VPS51: variants seen among roughly 807,000 people sequenced by gnomAD.
The protein encoded by VPS51 is vacuolar protein sorting-associated protein 51 homolog.
In VPS51, 55 loss-of-function variants were observed where a neutral mutation model predicts 65.1. The ratio of observed to expected loss-of-function variants is 0.84; its 90% CI spans 0.68 to 1.06. The LOEUF (loss-of-function observed/expected upper bound fraction) is 1.06. Among genes scored for constraint, VPS51 ranks in the 50% least tolerant of loss-of-function variants. The pLI is 0.00. For missense variants in VPS51, 943 were observed against 1,101.6 expected (o/e 0.86, Z 2.04); for synonymous variants, 473 against 489.5 (o/e 0.97, Z 0.44).
chr11:65,101,806 A>C (rs1207231525), intron 2 of VPS51, among the ~76,000 whole-genome samples: 2 of 149,868 alleles, frequency 1.3e-5, no homozygotes, highest in Non-Finnish European at 3.0e-5. Flanking sequence ...ATTAACAGAC[A>C]TACAGAAAAG....
intron 2 of VPS51, among the ~76,000 whole-genome samples, chr11:65,101,931 C>T (rs1285349239): frequency 6.6e-6 from 1 of 151,866 alleles, no homozygotes; most frequent in African/African-American, 2.4e-5. Flanking sequence ...TACCAGTTAC[C>T]ACCCAGTCCC....
chr11:65,111,306 T>A, intron 9 of VPS51, 21 bp from the exon 10 acceptor site: 4 of 1,600,162 alleles, frequency 2.5e-6, no homozygotes, highest in Non-Finnish European at 3.4e-6. Flanking sequence ...CCAAGCTGCA[T>A]CCCTGTGTCC....
At chr11:65,100,707 T>G (rs556244148) in intron 2 of VPS51, among the ~76,000 whole-genome samples, 32 of 152,032 alleles carry the variant, frequency 2.1e-4, no homozygotes, top group Admixed American at 7.9e-4. Context: ...ATTTTTTTAT[T>G]TTTATTTTTT....
In VPS51 at chr11:65,108,256, G is replaced by T; in HGVS notation, c.785G>T (p.Gly262Val). The change falls in exon 5 of 10, where the codon GGC becomes GTC. Residue 262 changes from glycine (G) to valine (V), a missense_variant. Coordinates refer to ENST00000279281, the MANE Select transcript of VPS51 (RefSeq NM_013265.4). ...AECVELLLAL[G>V]EPAEELCEEF... is the part of the protein sequence containing the mutation. ...TGCGTGGAGCTGCTGCTGGCCCTGG[G>T]CGAGCCTGCGGAGGAGCTGTGCGAG... is the stretch of plus-strand genomic sequence containing the variant. 1 of 1,597,900 alleles carries T rather than the reference G, an allele frequency of 6.3e-7. No homozygotes were observed. Among genetic ancestry groups the T allele is most frequent in the South Asian group, 1.1e-5 (1 of 89,172 alleles).
intron 7 of VPS51, chr11:65,110,192 C>T (rs1947883322): frequency 3.2e-6 from 2 of 623,118 alleles, no homozygotes; most frequent in Non-Finnish European, 5.6e-6. Context: ...GACATCTTCG[C>T]CCCTATTTTA....
intron 1 of VPS51, 123 bp downstream of exon 1, chr11:65,096,601 A>C: frequency 1.1e-6 from 1 of 902,002 alleles, no homozygotes; most frequent in South Asian, 1.9e-5. Flanking sequence ...GGTGTTCATA[A>C]GAGGACGAAC....
intron 7 of VPS51, 41 bp from the exon 8 acceptor site, chr11:65,110,441 C>G (rs1554993585): frequency 6.2e-7 from 1 of 1,613,266 alleles, no homozygotes; most frequent in African/African-American, 1.3e-5. Context: ...GGTGGTTTCC[C>G]CTGACTCGGG....
chr11:65,109,123 G>C, intron 5 of VPS51, 157 bp from the exon 6 acceptor site: 2 of 1,035,500 alleles, frequency 1.9e-6, no homozygotes, highest in Non-Finnish European at 2.8e-6. Flanking sequence ...GGCTTTCTCT[G>C]CCCCCACTCA....
At chr11:65,105,952 G>A (rs182682513) in intron 2 of VPS51, among the ~76,000 whole-genome samples, 44 of 152,226 alleles carry the variant, frequency 2.9e-4, no homozygotes, top group African/African-American at 7.5e-4. Flanking sequence ...CTCCCCGGGC[G>A]TGCCACCCTC....
chr11:65,108,555 G>C lies in VPS51; in HGVS notation c.1084G>C (p.Gly362Arg). The C allele has an allele frequency of 6.4e-7, 1 of 1,567,746 alleles. No homozygotes were observed. Among genetic ancestry groups the C allele is most frequent in the Non-Finnish European group, 8.6e-7 (1 of 1,163,990 alleles). Residue 362 changes from glycine to arginine, a missense_variant, in exon 5 of 10, where the codon GGT becomes CGT. This residue lies in a region of VPS51 where 855 missense variants were observed against 953.7 expected (regional missense o/e 0.90). Coordinates refer to ENST00000279281, the MANE Select transcript of VPS51 (RefSeq NM_013265.4). The stretch of plus-strand genomic sequence containing the variant: ...GCGGCGGCTGGCGCAGGAGCAGGGT[G>C]GTGGTGACAACTCACTGCTGGTGCG... ...VERRLAQEQGGGDNSLLVRAL... is the reference protein window; with the variant it reads ...VERRLAQEQGRGDNSLLVRAL...
Position 65,107,724 on chromosome 11 carries a change from G to A in VPS51, c.502G>A (p.Ala168Thr), listed in dbSNP as rs778422105. The change falls in exon 3 of 10, where the codon GCA becomes ACA. Residue 168 changes from alanine to threonine, a missense_variant. Around this residue, in one of 2 missense-constraint regions of VPS51, gnomAD observed 855 missense variants for 953.7 expected, o/e 0.90. Coordinates refer to ENST00000279281, the MANE Select transcript of VPS51 (RefSeq NM_013265.4). The surrounding 1 kb of genome is among the most constrained non-coding windows in gnomAD (Gnocchi z 4.0). ...CCGCCACGAGCGCATCACCAAGCTG[G>A]CAGGTGGGCGCTGCCGGGCAGGGCC... ...QDRHERITKL[A>T]GVHALLRKLQ... The A allele has an allele frequency of 4.4e-6, 7 of 1,607,220 alleles. No homozygotes were observed. In the African/African-American group the frequency reaches 9.4e-5, roughly 21 times the overall value.
intron 2 of VPS51, among the ~76,000 whole-genome samples, chr11:65,100,722 A>G (rs1458910714): frequency 6.6e-6 from 1 of 151,490 alleles, no homozygotes; most frequent in East Asian, 1.9e-4. Context: ...TTTTTTGTAT[A>G]TTTACTAGAG....
At chr11:65,099,022 T>C (rs1352630283) in intron 2 of VPS51, among the ~76,000 whole-genome samples, 1 of 152,164 alleles carries the variant, frequency 6.6e-6, no homozygotes, top group Non-Finnish European at 1.5e-5. Context: ...ACCCTGTCTC[T>C]ACTAAAAATA....
At chr11:65,109,133 A>G in intron 5 of VPS51, 147 bp from the exon 6 acceptor site, 1 of 1,064,636 alleles carries the variant, frequency 9.4e-7, no homozygotes, top group Non-Finnish European at 1.3e-6. Context: ...GCCCCCACTC[A>G]GGGAAGCTGC....
Position 65,111,771 on chromosome 11 carries a change from C to T in VPS51, c.*184C>T. 1 of 1,147,414 alleles carries T rather than the reference C, an allele frequency of 8.7e-7. No individual in the cohort carries two copies. The highest frequency in any genetic ancestry group is 1.6e-5 in the African/African-American group (1 of 64,074). The allele number at this position is 1,147,414 out of a possible 1,614,324, so 71.1% of individuals were successfully genotyped here. A position where few individuals can be genotyped will look rare whatever the true frequency, so the allele number is the denominator to read the frequency against. ...TTTGAAGCTGAGGCTTCTGAGGCGC[C>T]CGCGTCGGGTCCGCCCCCGAGCGCC... is the stretch of plus-strand genomic sequence containing the variant. On this transcript the variant is annotated 3_prime_UTR_variant, in exon 10 of 10. Coordinates refer to ENST00000279281, the MANE Select transcript of VPS51 (RefSeq NM_013265.4).
Position 65,108,028 on chromosome 11 carries a change from G to A in VPS51, c.725+6G>A. The A allele has an allele frequency of 6.6e-7, 1 of 1,505,700 alleles. No homozygotes were observed. The highest frequency in any genetic ancestry group is 8.9e-7 in the Non-Finnish European group (1 of 1,128,432). 93.3% of individuals were successfully genotyped at this position (1,505,700 alleles called of 1,614,324 possible). A position where few individuals can be genotyped will look rare whatever the true frequency, so the allele number is the denominator to read the frequency against. ...CAGCTGCGGCAGCGCTTTAGGTGTG[G>A]CCCCTCTGCCCTGACCCCAGCGCTC... On this transcript the variant is annotated splice_donor_region_variant and intron_variant, in intron 4 of 9. Transcript: ENST00000279281.
Position 65,108,296 on chromosome 11 carries a change from C to T in VPS51, c.825C>T (p.His275=), listed in dbSNP as rs778050930. The part of the protein sequence containing the change: ...AEELCEEFLA[H]ARGRLEKELR... The stretch of plus-strand genomic sequence containing the variant: ...AGCTGTGCGAGGAGTTCCTGGCGCA[C>T]GCCCGCGGCCGGCTGGAGAAGGAGC... The change falls in exon 5 of 10, where the codon CAC becomes CAT. Residue 275 remains histidine, a synonymous_variant. Coordinates refer to ENST00000279281, the MANE Select transcript of VPS51 (RefSeq NM_013265.4). 11 of 1,603,766 alleles carry T rather than the reference C, an allele frequency of 6.9e-6. 1 individual carries two copies. The highest frequency in any genetic ancestry group is 1.7e-4 in the Middle Eastern group (1 of 5,892).
chr11:65,110,530 TCCAG>T lies in VPS51; in HGVS notation c.1929_1932del (p.Ser644ArgfsTer31), dbSNP rs1407835651. ...TGTTCGCAAGGCCCAGAGCAGCGAC[TCCAG>T]CAAGAGGACTTTCTCCGTGTACAGC... On this transcript the variant is annotated frameshift_variant, in exon 8 of 10. Transcript: ENST00000279281. LOFTEE classifies it high-confidence loss of function. The T allele has an allele frequency of 6.2e-7, 1 of 1,613,980 alleles. No individual in the cohort carries two copies. Among genetic ancestry groups the T allele is most frequent in the Admixed American group, 1.7e-5 (1 of 60,022 alleles).
chr11:65,108,055 C>T (rs1367859739), intron 4 of VPS51, 33 bp downstream of exon 4: 1 of 1,487,864 alleles, frequency 6.7e-7, no homozygotes, highest in Admixed American at 2.2e-5. Flanking sequence ...CCAGCGCTCC[C>T]GCCAGCCCCG....
Sources: gnomAD v4.1 joint callset for allele counts (sites outside exome capture counted in the v4.1 genomes callset) on GRCh38, gnomAD v4.1.1 for gene constraint, gnomAD v4.1.1 regional missense constraint, Gnocchi (gnomAD v3.1) non-coding constraint, MANE v1.5 for transcripts, NCBI Gene and HGNC (gene_info 2026-07-23, HGNC 2026-07-21) for gene names.